NAT1: variants seen among roughly 807,000 people sequenced by gnomAD.
NAT1 encodes the protein arylamine N-acetyltransferase 1.
For synonymous variants in NAT1, 144 were observed against 122.6 expected (o/e 1.17, Z -1.16); for missense variants, 400 against 339.2 (o/e 1.18, Z -1.41).
At chr8:18,221,312 G>T (rs1206612482) in intron 2 of NAT1, among the ~76,000 whole-genome samples, 61 of 133,924 alleles carry the variant, frequency 4.6e-4, no homozygotes, top group African/African-American at 1.1e-3. Flanking sequence ...TTTTTGGTGT[G>T]TTTTTTTTTT....
At chr8:18,204,353 C>A (rs1490938950) in intron 2 of NAT1, among the ~76,000 whole-genome samples, 3 of 152,182 alleles carry the variant, frequency 2.0e-5, no homozygotes, top group African/African-American at 7.2e-5. Context: ...GTACTTGGGA[C>A]CCAGGATGAG....
At chr8:18,172,917 A>T (rs1802150309) in intron 2 of NAT1, among the ~76,000 whole-genome samples, 1 of 152,126 alleles carries the variant, frequency 6.6e-6, no homozygotes, top group Non-Finnish European at 1.5e-5. Flanking sequence ...TTGTATCTGA[A>T]AAGTGCCTCT....
At chr8:18,194,788 C>T (rs950067501) in intron 2 of NAT1, among the ~76,000 whole-genome samples, 1 of 150,640 alleles carries the variant, frequency 6.6e-6, no homozygotes, top group African/African-American at 2.4e-5. Context: ...CACTGCACTC[C>T]AGCCTGGGCA....
intron 1 of NAT1, among the ~76,000 whole-genome samples, chr8:18,216,220 C>A (rs956174238): frequency 1.3e-5 from 2 of 152,224 alleles, no homozygotes; most frequent in Non-Finnish European, 2.9e-5. Context: ...TTTTGAGTGA[C>A]CTGGGATTTT....
chr8:18,216,842 G>GA (rs1333025610), intron 1 of NAT1: 1 of 1,300,994 alleles, frequency 7.7e-7, no homozygotes, highest in East Asian at 2.6e-5. Flanking sequence ...TGGTAAGGGG[G>GA]AACTCATAAG....
intron 2 of NAT1, among the ~76,000 whole-genome samples, chr8:18,221,473 C>G (rs1484263289): frequency 6.6e-6 from 1 of 152,078 alleles, no homozygotes; most frequent in Admixed American, 6.6e-5. Context: ...ACTCCAACTC[C>G]CACTAAAATA....
chr8:18,221,941 C>A (rs186950913), intron 2 of NAT1, 101 bp from the exon 3 acceptor site: 28 of 1,210,862 alleles, frequency 2.3e-5, no homozygotes, highest in Non-Finnish European at 1.3e-5. Context: ...ATACTTATAA[C>A]CATTGTATTT....
chr8:18,198,391 T>C lies in NAT1; in HGVS notation n.93-11390T>C, dbSNP rs148266712. On this transcript the variant is annotated intron_variant and non_coding_transcript_variant, in intron 2 of 4. Coordinates refer to the NAT1 transcript ENST00000517441. Reference sequence around the variant, plus strand: ...GGTGTTTGTTCAACTACAATAGTCCTTCCTAACCACATAAGATTCTTAAAT... The same window carrying C: ...GGTGTTTGTTCAACTACAATAGTCCCTCCTAACCACATAAGATTCTTAAAT... Among the ~76,000 whole-genome samples, 594 of 152,320 alleles carry C rather than the reference T, an allele frequency of 3.9e-3. 1 individual carries two copies. The highest frequency in any genetic ancestry group is 5.4e-3 in the Non-Finnish European group (370 of 68,026).
At chr8:18,209,800 C>T (rs1468169175), upstream of NAT1, 1 of 152,160 alleles carries the variant, frequency 6.6e-6, no homozygotes, top group Non-Finnish European at 1.5e-5. Context: ...TCTGCTTTTC[C>T]TGGACCTGTT....
At chr8:18,217,046 G>A in intron 1 of NAT1, 1 of 1,263,660 alleles carries the variant, frequency 7.9e-7, no homozygotes, top group Non-Finnish European at 1.1e-6. Flanking sequence ...AAGGGAGAAA[G>A]GCAACTTGTA....
chr8:18,203,516 T>C (rs951911074), intron 2 of NAT1, among the ~76,000 whole-genome samples: 6 of 152,306 alleles, frequency 3.9e-5, no homozygotes, highest in African/African-American at 1.4e-4. Context: ...TCTGTGAGCT[T>C]ATGTTATGTC....
chr8:18,191,963 G>A (rs1803009075), intron 2 of NAT1, among the ~76,000 whole-genome samples: 1 of 151,932 alleles, frequency 6.6e-6, no homozygotes, highest in Non-Finnish European at 1.5e-5. Flanking sequence ...AAAAAGCAAT[G>A]GCAACAAAAG....
chr8:18,183,682 A>G (rs1369380395), intron 2 of NAT1, among the ~76,000 whole-genome samples: 1 of 152,228 alleles, frequency 6.6e-6, no homozygotes, highest in Non-Finnish European at 1.5e-5. Context: ...CCCTCCCACA[A>G]TAAACCTATG....
chr8:18,199,216 A>G (rs1032481162), intron 2 of NAT1, among the ~76,000 whole-genome samples: 1 of 151,236 alleles, frequency 6.6e-6, no homozygotes, highest in African/African-American at 2.4e-5. Context: ...TGGGAGGCTG[A>G]GACAGGAGAA....
rs193222199 is a variant in NAT1, at chr8:18,171,139, G to A, written n.92+400G>A. Among the ~76,000 whole-genome samples, 3 of 152,246 alleles carry A rather than the reference G, an allele frequency of 2.0e-5. No individual in the cohort carries two copies. The East Asian group carries it at 5.8e-4, about 29-fold the overall frequency. The stretch of plus-strand genomic sequence containing the variant: ...CAGAAACAGGACCCAGTCCTACAGG[G>A]AGGCCTCAGTCTGACTGGGTCAGAC... On this transcript the variant is annotated intron_variant and non_coding_transcript_variant, in intron 2 of 4. Transcript: ENST00000517441.
chr8:18,192,466 G>T (rs557941568), intron 2 of NAT1, among the ~76,000 whole-genome samples: 2 of 152,254 alleles, frequency 1.3e-5, no homozygotes, highest in African/African-American at 2.4e-5. Flanking sequence ...CAAATACCAT[G>T]TGACCCAGCC....
At chr8:18,206,020 C>T (rs753339930), upstream of NAT1, among the ~76,000 whole-genome samples, 12 of 152,216 alleles carry the variant, frequency 7.9e-5, no homozygotes, top group Non-Finnish European at 1.8e-4. Flanking sequence ...TGGCCCTGCT[C>T]TGCTACAGAT....
At chr8:18,220,312 A>G (rs991509403) in intron 2 of NAT1, among the ~76,000 whole-genome samples, 10 of 152,314 alleles carry the variant, frequency 6.6e-5, no homozygotes, top group African/African-American at 2.2e-4. Flanking sequence ...TAGCTGGGTC[A>G]GAAAGGAAAA....
intron 2 of NAT1, 159 bp from the exon 3 acceptor site, chr8:18,221,883 A>C: frequency 2.8e-6 from 2 of 711,088 alleles, no homozygotes; most frequent in East Asian, 5.7e-5. Context: ...AACTGAACTT[A>C]TGTGTGTAAA....
Sources: allele counts gnomAD v4.1 joint callset (sites outside exome capture counted in the v4.1 genomes callset), GRCh38; gene constraint gnomAD v4.1.1; transcripts MANE v1.5; gene names NCBI Gene and HGNC (gene_info 2026-07-23, HGNC 2026-07-21).